RTKN2: variants seen among roughly 807,000 people sequenced by gnomAD.
RTKN2 encodes rhotekin 2, also known as rhotekin-2.
A neutral mutation model predicts 71.5 loss-of-function variants in RTKN2; 69 were observed. That is an observed-to-expected ratio of 0.96 (90% CI 0.79 to 1.18). The LOEUF is 1.18. Ranked by LOEUF, RTKN2 falls within the 50% of genes most tolerant of loss-of-function variation. The probability of loss-of-function intolerance (pLI) is 0.00; values close to 1 mark genes in which losing one functional copy is unlikely to be tolerated. For missense variants in RTKN2, 724 were observed against 719.7 expected, an observed-to-expected ratio of 1.01 and a Z score of -0.07; for synonymous variants, 236 against 236.5, an observed-to-expected ratio of 1.00 and a Z score of 0.02.
At chr10:62,185,443 C>T (rs1841119214) in intron 8 of RTKN2, among the ~76,000 whole-genome samples, 2 of 152,060 alleles carry the variant, frequency 1.3e-5, no homozygotes, top group Non-Finnish European at 2.9e-5. Context: ...TGGTGAAACC[C>T]CGTCTCTACT....
chr10:62,202,215 C>T (rs1052771509), intron 10 of RTKN2, among the ~76,000 whole-genome samples: 6 of 152,146 alleles, frequency 3.9e-5, no homozygotes, highest in African/African-American at 7.2e-5. Flanking sequence ...CCCCCTTGCC[C>T]ACCAACATCC....
chr10:62,250,762 T>C (rs1440878030), intron 2 of RTKN2, among the ~76,000 whole-genome samples: 1 of 152,170 alleles, frequency 6.6e-6, no homozygotes, highest in Non-Finnish European at 1.5e-5. Flanking sequence ...CCTGAGTAGC[T>C]GGGACTACAG....
At chr10:62,265,528 A>C (rs558274064) in intron 1 of RTKN2, among the ~76,000 whole-genome samples, 31 of 151,732 alleles carry the variant, frequency 2.0e-4, no homozygotes, top group Non-Finnish European at 3.8e-4. Context: ...CATAAGCAGG[A>C]TGAATTGTTA....
intron 1 of RTKN2, among the ~76,000 whole-genome samples, chr10:62,263,920 A>T (rs917334143): frequency 3.3e-5 from 5 of 152,188 alleles, no homozygotes; most frequent in African/African-American, 1.2e-4. Context: ...GCAACATTAA[A>T]ATTCTACAAA....
At position 62,194,166 on chromosome 10, in the gene RTKN2, C is replaced by T; in HGVS notation, c.*3742G>A. ...AAAATTATAAACAAAGCCAATTACA[C>T]AAGCATGTCAGAAAATCAACACACC... On this transcript the variant is annotated 3_prime_UTR_variant, in exon 12 of 12. Coordinates refer to ENST00000373789, the MANE Select transcript of RTKN2 (RefSeq NM_145307.4). 1.0e-6 allele frequency: 1 copy of T among 979,524 alleles called. No homozygotes were observed. The highest frequency in any genetic ancestry group is 1.7e-5 in the African/African-American group (1 of 57,226). 60.7% of individuals were successfully genotyped at this position (979,524 alleles called of 1,614,324 possible). A position where few individuals can be genotyped will look rare whatever the true frequency, so the allele number is the denominator to read the frequency against.
Position 62,196,133 on chromosome 10 carries a change from C to G in RTKN2, c.*1775G>C. ...TCAATAATTTAGTGGCAATGACAGT[C>G]ACAAATGCTGTCAAAAACAGCAATG... On this transcript the variant is annotated 3_prime_UTR_variant, in exon 12 of 12. Coordinates refer to ENST00000373789, the MANE Select transcript of RTKN2 (RefSeq NM_145307.4). The G allele has an allele frequency of 6.1e-6, 6 of 983,790 alleles. No homozygotes were observed. The highest frequency in any genetic ancestry group is 7.2e-6 in the Non-Finnish European group (6 of 828,552). The allele number at this position is 983,790 out of a possible 1,614,324, so 60.9% of individuals were successfully genotyped here.
At position 62,193,990 on chromosome 10, in the gene RTKN2, G is replaced by C. The variant is rs1254441758; in HGVS notation, c.*3918C>G. 3.0e-6 allele frequency: 3 copies of C among 985,042 alleles called. No homozygotes were observed. The highest frequency in any genetic ancestry group is 3.5e-5 in the African/African-American group (2 of 57,208). The allele number at this position is 985,042 out of a possible 1,614,324, so 61.0% of individuals were successfully genotyped here. On this transcript the variant is annotated 3_prime_UTR_variant, in exon 12 of 12. Coordinates refer to ENST00000373789, the MANE Select transcript of RTKN2 (RefSeq NM_145307.4). ...AGGAGCACTTAAAGAGAAAAAGTTA[G>C]AAAACGTCTTCATGAATCAGTTCTT...
intron 2 of RTKN2, among the ~76,000 whole-genome samples, chr10:62,253,890 C>A (rs1842625920): frequency 2.0e-5 from 3 of 151,898 alleles, no homozygotes; most frequent in Non-Finnish European, 4.4e-5. Context: ...AAGAAAGAAA[C>A]CTCCACTGTA....
exon 9 of RTKN2, chr10:62,184,262 G>T: frequency 1.8e-6 from 2 of 1,111,448 alleles, no homozygotes; most frequent in South Asian, 2.8e-5. Context: ...CATTCTACTA[G>T]AGAAATGTCA....
At chr10:62,210,546 T>C (rs1305515532) in intron 9 of RTKN2, among the ~76,000 whole-genome samples, 1 of 152,198 alleles carries the variant, frequency 6.6e-6, no homozygotes, top group African/African-American at 2.4e-5. Context: ...ACAAACATGC[T>C]GTAAAGATAA....
chr10:62,185,199 TA>T lies in RTKN2; in HGVS notation c.862-813del, dbSNP rs78034993. ...CTATCAAAAATAGGACCTCCACAGT[TA>T]AAAAAAAAAAAACCCTCATAATTTG... On this transcript the variant is annotated intron_variant, in intron 8 of 8. Coordinates refer to the RTKN2 transcript ENST00000315289. 3.6e-3 allele frequency among the ~76,000 whole-genome samples: 518 copies of T among 142,602 alleles called. 2 individuals are homozygous for T. The highest frequency in any genetic ancestry group is 0.014 in the Middle Eastern group (4 of 282). The allele number at this position is 142,602 out of a possible 152,430, so 93.6% of individuals were successfully genotyped here.
In RTKN2 at chr10:62,268,833, G is replaced by A. The variant is rs1433693575; in HGVS notation, c.-223C>T. 7 of 524,354 alleles carry A rather than the reference G, an allele frequency of 1.3e-5. No homozygotes were observed. Among genetic ancestry groups the A allele is most frequent in the Non-Finnish European group, 2.3e-5 (7 of 301,680 alleles). 32.5% of individuals were successfully genotyped at this position (524,354 alleles called of 1,614,324 possible). ...GAAGTTGCCGAGACCCCAGGCTCTA[G>A]CGCGGCGGGGCGGGGGAGAGGGCGG... is the stretch of plus-strand genomic sequence containing the variant. On this transcript the variant is annotated 5_prime_UTR_variant, in exon 1 of 12. Coordinates refer to ENST00000373789, the MANE Select transcript of RTKN2 (RefSeq NM_145307.4).
chr10:62,228,133 A>T (rs1842069042), intron 6 of RTKN2, among the ~76,000 whole-genome samples: 1 of 152,214 alleles, frequency 6.6e-6, no homozygotes, highest in South Asian at 2.1e-4. Flanking sequence ...TATTGGAGAT[A>T]TAAATTTGGG....
chr10:62,242,683 T>C (rs1445972113), intron 3 of RTKN2, among the ~76,000 whole-genome samples: 1 of 151,928 alleles, frequency 6.6e-6, no homozygotes, highest in Non-Finnish European at 1.5e-5. Flanking sequence ...TCGTGCGATC[T>C]CACTGCAACC....
chr10:62,261,641 ACT>A (rs1353624306), intron 2 of RTKN2, among the ~76,000 whole-genome samples: 1 of 152,098 alleles, frequency 6.6e-6, no homozygotes, highest in Non-Finnish European at 1.5e-5. Flanking sequence ...ACAGAGCGAG[ACT>A]CTGTCTTTAA....
rs1589388487 is a variant in RTKN2, at chr10:62,262,636, C to G, written c.246G>C (p.Gln82His). 2 of 1,601,402 alleles carry G rather than the reference C, an allele frequency of 1.2e-6. No individual in the cohort carries two copies. The highest frequency in any genetic ancestry group is 1.7e-6 in the Non-Finnish European group (2 of 1,172,326). Residue 82 changes from glutamine to histidine, a missense_variant, in exon 2 of 12, where the codon CAG becomes CAC. By Grantham distance (24) the Gln-to-His change is conservative. Transcript: ENST00000373789. ...ACTATGTTACTAACCATCTTCCAGT[C>G]TGATTTGCAATCTGTTCTTCTAATT... is the stretch of plus-strand genomic sequence containing the variant. The part of the protein sequence containing the change: ...LQKLEEQIAN[Q>H]TGRCDVKFES...
chr10:62,204,971 A>C lies in RTKN2; in HGVS notation c.1072T>G (p.Phe358Val). Residue 358 changes from phenylalanine to valine, a missense_variant, in exon 10 of 12, where the codon TTC becomes GTC. Coordinates refer to ENST00000373789, the MANE Select transcript of RTKN2 (RefSeq NM_145307.4). ...CCAGGAACAGGATTGATGACAGAGAAATTATGGATTCTTTTCTTGGCATCC... is the reference window on the plus strand; with the variant it reads ...CCAGGAACAGGATTGATGACAGAGACATTATGGATTCTTTTCTTGGCATCC... ...DKDAKKRIHN[F>V]SVINPVPGQA... 6.3e-7 allele frequency: 1 copy of C among 1,599,866 alleles called. No individual in the cohort carries two copies. The highest frequency in any genetic ancestry group is 8.5e-7 in the Non-Finnish European group (1 of 1,175,480).
At chr10:62,268,278 G>A (rs1487922167) in intron 1 of RTKN2, among the ~76,000 whole-genome samples, 2 of 152,254 alleles carry the variant, frequency 1.3e-5, no homozygotes, top group Non-Finnish European at 2.9e-5. Context: ...GCCTGGGGAG[G>A]GCAGCGGACA....
At chr10:62,222,180 C>T (rs930918831) in intron 7 of RTKN2, among the ~76,000 whole-genome samples, 1 of 152,124 alleles carries the variant, frequency 6.6e-6, no homozygotes, top group Non-Finnish European at 1.5e-5. Flanking sequence ...ACAATCATAC[C>T]TCACTGCAGC....
Sources: gnomAD v4.1 joint callset for allele counts (sites outside exome capture counted in the v4.1 genomes callset) on GRCh38, gnomAD v4.1.1 for gene constraint, MANE v1.5 for transcripts, NCBI Gene and HGNC (gene_info 2026-07-23, HGNC 2026-07-21) for gene names.